DSCAM: variants seen among roughly 807,000 people sequenced by gnomAD.
DSCAM encodes the protein cell adhesion molecule DSCAM.
DSCAM carries 47 observed loss-of-function variants against 217.7 expected under a neutral mutation model. That is an observed-to-expected ratio of 0.22 (90% confidence interval 0.17 to 0.28). The LOEUF is 0.28. Ranked by LOEUF, DSCAM falls within the 10% of genes least tolerant of loss-of-function variation. The pLI, the probability that DSCAM is intolerant of heterozygous loss-of-function variation, is 1.00. For synonymous variants in DSCAM, 1,056 were observed against 1,015.3 expected, an observed-to-expected ratio of 1.04 and a Z score of -0.76; for missense variants, 2,080 against 2,618.3, an observed-to-expected ratio of 0.79 and a Z score of 4.49.
chr21:40,141,730 C>G (rs1158289839), intron 18 of DSCAM, among the ~76,000 whole-genome samples: 1 of 152,094 alleles, frequency 6.6e-6, no homozygotes, highest in Admixed American at 6.5e-5. Flanking sequence ...GCCCCCCAGG[C>G]TTGGGACAGA....
chr21:40,082,542 C>T (rs1490784170), intron 24 of DSCAM, among the ~76,000 whole-genome samples: 1 of 76,180 alleles, frequency 1.3e-5, no homozygotes, highest in East Asian at 4.2e-4. Context: ...GCAGCTGGGT[C>T]CTTGCAAGCT....
At chr21:40,792,028 G>A (rs1209058511) in intron 1 of DSCAM, among the ~76,000 whole-genome samples, 1 of 151,854 alleles carries the variant, frequency 6.6e-6, no homozygotes, top group African/African-American at 2.4e-5. Flanking sequence ...AGATCATGGT[G>A]TTTGGAGGTA....
intron 14 of DSCAM, among the ~76,000 whole-genome samples, chr21:40,182,237 G>A (rs114898732): frequency 0.013 from 1,971 of 152,244 alleles, 49 homozygotes; most frequent in African/African-American, 0.045. Flanking sequence ...GGCCCTTCAT[G>A]TTGGTGAATA....
chr21:40,777,891 G>T (rs1368631352), intron 1 of DSCAM, among the ~76,000 whole-genome samples: 1 of 152,006 alleles, frequency 6.6e-6, no homozygotes, highest in Non-Finnish European at 1.5e-5. Context: ...CTTAAATGAA[G>T]CCATAGAGCA....
At chr21:40,617,036 A>G (rs1366565601) in intron 3 of DSCAM, among the ~76,000 whole-genome samples, 1 of 149,164 alleles carries the variant, frequency 6.7e-6, no homozygotes, top group Non-Finnish European at 1.5e-5. Context: ...AAAAAAAAGA[A>G]TGGTTATGAG....
Position 40,846,639 on chromosome 21 carries a change from A to C in DSCAM, c.23T>G (p.Leu8Trp). 2 of 1,275,664 alleles carry C rather than the reference A, an allele frequency of 1.6e-6. No individual in the cohort carries two copies. Among genetic ancestry groups the C allele is most frequent in the Non-Finnish European group, 1.0e-6 (1 of 999,182 alleles). The allele number at this position is 1,275,664 out of a possible 1,614,324, so 79.0% of individuals were successfully genotyped here. Residue 8 changes from leucine to tryptophan, a missense_variant, in exon 1 of 33, where the codon TTG becomes TGG. Leu to Trp is a moderately conservative substitution (Grantham distance 61). Transcript: ENST00000400454. The stretch of plus-strand genomic sequence containing the variant: ...CTCACCATTCGCGAAGCTCTGGAAC[A>C]AGGAGAGAGCCAGTATCCACATGCC... Reference protein sequence around the residue: MWILALSLFQSFANVFSE... With the variant: MWILALSWFQSFANVFSE...
intron 3 of DSCAM, among the ~76,000 whole-genome samples, chr21:40,594,717 G>A (rs908654883): frequency 1.2e-4 from 18 of 145,674 alleles, no homozygotes; most frequent in Non-Finnish European, 2.2e-4. Flanking sequence ...TAACTTGTAT[G>A]TAGATAAAAA....
intron 1 of DSCAM, among the ~76,000 whole-genome samples, chr21:40,770,661 A>T (rs2091436428): frequency 6.6e-6 from 1 of 152,292 alleles, no homozygotes. Flanking sequence ...TCTAAACCTT[A>T]TTTGTGTGAA....
At chr21:40,624,641 A>T (rs561167487) in intron 3 of DSCAM, among the ~76,000 whole-genome samples, 58 of 152,366 alleles carry the variant, frequency 3.8e-4, no homozygotes, top group Middle Eastern at 3.4e-3. Flanking sequence ...GCCAATACCC[A>T]GCACTTTTGA....
At chr21:40,023,121 TG>T (rs1205982409) in intron 32 of DSCAM, among the ~76,000 whole-genome samples, 2 of 149,922 alleles carry the variant, frequency 1.3e-5, no homozygotes, top group African/African-American at 4.9e-5. Flanking sequence ...GAATATGTGG[TG>T]TTTGGTTTTT....
chr21:40,168,580 T>G (rs1299432182), intron 15 of DSCAM, among the ~76,000 whole-genome samples: 3 of 152,200 alleles, frequency 2.0e-5, no homozygotes, highest in Non-Finnish European at 2.9e-5. Flanking sequence ...GAAAGCCAGT[T>G]CTGTGGACAT....
At chr21:40,768,904 A>G (rs1319410134) in intron 1 of DSCAM, among the ~76,000 whole-genome samples, 1 of 152,240 alleles carries the variant, frequency 6.6e-6, no homozygotes, top group Non-Finnish European at 1.5e-5. Flanking sequence ...TTTGAAAAGG[A>G]AGGTGGAGGC....
At chr21:40,523,107 C>T (rs2076372448) in intron 3 of DSCAM, among the ~76,000 whole-genome samples, 1 of 152,078 alleles carries the variant, frequency 6.6e-6, no homozygotes, top group Admixed American at 6.5e-5. Flanking sequence ...CACCTAGACA[C>T]TTCATAATTT....
chr21:40,084,319 T>C (rs2049491121), intron 23 of DSCAM, among the ~76,000 whole-genome samples: 2 of 152,176 alleles, frequency 1.3e-5, no homozygotes, highest in South Asian at 4.1e-4. Flanking sequence ...TCTTTAAACT[T>C]ACTAAGGATA....
At chr21:40,620,973 C>T (rs1314938550) in intron 3 of DSCAM, among the ~76,000 whole-genome samples, 1 of 152,040 alleles carries the variant, frequency 6.6e-6, no homozygotes, top group Admixed American at 6.5e-5. Flanking sequence ...TGAAAGAAGC[C>T]AGACTCAAAA....
intron 1 of DSCAM, among the ~76,000 whole-genome samples, chr21:40,715,542 T>C (rs1202105335): frequency 6.6e-6 from 1 of 152,172 alleles, no homozygotes; most frequent in Non-Finnish European, 1.5e-5. Flanking sequence ...TATAGTTTTC[T>C]CTCCCAACCA....
At chr21:40,492,708 T>C (rs2076086027) in intron 3 of DSCAM, among the ~76,000 whole-genome samples, 1 of 150,714 alleles carries the variant, frequency 6.6e-6, no homozygotes, top group African/African-American at 2.4e-5. Flanking sequence ...ATGAGAAAAT[T>C]TGAAGAAAGT....
At chr21:40,135,219 G>T (rs549326118) in intron 18 of DSCAM, among the ~76,000 whole-genome samples, 6 of 152,314 alleles carry the variant, frequency 3.9e-5, no homozygotes, top group African/African-American at 1.4e-4. Context: ...CAGGTCTGGG[G>T]AGTTCCTTGT....
At chr21:40,426,497 G>A (rs568015810) in intron 3 of DSCAM, among the ~76,000 whole-genome samples, 1 of 152,230 alleles carries the variant, frequency 6.6e-6, no homozygotes, top group East Asian at 1.9e-4. Context: ...TAGGAAATTT[G>A]TCATCTCGTT....
Sources: gnomAD v4.1 joint callset for allele counts (sites outside exome capture counted in the v4.1 genomes callset) on GRCh38, gnomAD v4.1.1 for gene constraint, MANE v1.5 for transcripts, NCBI Gene and HGNC (gene_info 2026-07-23, HGNC 2026-07-21) for gene names.